The following SLC38A6 variants were observed in gnomAD, a reference collection of about 807,000 sequenced individuals.
The protein encoded by SLC38A6 is N system amino acid transporter NAT-1.
A neutral mutation model predicts 65.0 loss-of-function variants in SLC38A6; 73 were observed. The observed-to-expected ratio is 1.12, with a 90% confidence interval of 0.93 to 1.37. The LOEUF (loss-of-function observed/expected upper bound fraction) is 1.37, where lower values mean the gene tolerates loss of function less well. SLC38A6 is among the 40% of genes most tolerant of loss of function. The pLI is 0.00. For missense variants in SLC38A6, 561 were observed against 531.1 expected, an observed-to-expected ratio of 1.06 and a Z score of -0.55; for synonymous variants, 183 against 178.8, an observed-to-expected ratio of 1.02 and a Z score of -0.19.
At chr14:61,077,839 A>G (rs1223821751) in intron 15 of SLC38A6, among the ~76,000 whole-genome samples, 1 of 152,204 alleles carries the variant, frequency 6.6e-6, no homozygotes, top group Non-Finnish European at 1.5e-5. Context: ...AACATTTCAT[A>G]ATGTTGTTAC....
intron 15 of SLC38A6, among the ~76,000 whole-genome samples, chr14:61,072,788 A>C (rs2043274043): frequency 6.6e-6 from 1 of 152,186 alleles, no homozygotes; most frequent in South Asian, 2.1e-4. Context: ...GTTGATGGAC[A>C]CTTAGGTTAC....
intron 3 of SLC38A6, among the ~76,000 whole-genome samples, chr14:60,996,752 C>CA (rs1350104544): frequency 6.6e-6 from 1 of 151,688 alleles, no homozygotes; most frequent in Non-Finnish European, 1.5e-5. Flanking sequence ...ACAAACAACA[C>CA]AAAAAAAATT....
intron 12 of SLC38A6, among the ~76,000 whole-genome samples, chr14:61,046,852 C>T (rs181291561): frequency 6.6e-6 from 1 of 152,196 alleles, no homozygotes; most frequent in Admixed American, 6.5e-5. Flanking sequence ...AGCATTATTT[C>T]CAATGTGAGC....
intron 1 of SLC38A6, 153 bp from the exon 2 acceptor site, chr14:60,982,355 A>G: frequency 1.1e-6 from 1 of 926,850 alleles, no homozygotes; most frequent in South Asian, 1.4e-5. Context: ...GAAGGAAAGG[A>G]AAGGAAATTA....
intron 15 of SLC38A6, among the ~76,000 whole-genome samples, chr14:61,063,947 C>T (rs2042942029): frequency 6.6e-6 from 1 of 152,176 alleles, no homozygotes; most frequent in South Asian, 2.1e-4. Flanking sequence ...AATGTTTATC[C>T]CCTTTGTCCA....
At chr14:61,063,023 C>T (rs2042906462) in intron 15 of SLC38A6, among the ~76,000 whole-genome samples, 1 of 152,046 alleles carries the variant, frequency 6.6e-6, no homozygotes, top group South Asian at 2.1e-4. Context: ...TTTTTTTCCC[C>T]ATTTTGTGGC....
intron 3 of SLC38A6, among the ~76,000 whole-genome samples, chr14:60,989,024 C>T (rs1159854939): frequency 6.6e-6 from 1 of 152,120 alleles, no homozygotes; most frequent in African/African-American, 2.4e-5. Flanking sequence ...TAGGAGATTG[C>T]TTTTTTATAT....
In SLC38A6 at chr14:61,052,081, A is replaced by G; in HGVS notation, c.1236A>G (p.Gly412=). Residue 412 remains glycine, a synonymous_variant, in exon 15 of 16, where the codon GGA becomes GGG. Coordinates refer to ENST00000267488, the MANE Select transcript of SLC38A6 (RefSeq NM_153811.3). ...TSTCLIFIFP[G]LFYLKLSRED... ...CATGTTTGATTTTTATATTCCCAGGACTATTTTATCTTAAACTTAGCAGAG... is the reference window on the plus strand; with the variant it reads ...CATGTTTGATTTTTATATTCCCAGGGCTATTTTATCTTAAACTTAGCAGAG... 12 of 1,585,984 alleles carry G rather than the reference A, an allele frequency of 7.6e-6. No homozygotes were observed. The highest frequency in any genetic ancestry group is 1.0e-5 in the Non-Finnish European group (12 of 1,173,320).
At chr14:61,062,191 C>T (rs1167073655) in intron 15 of SLC38A6, among the ~76,000 whole-genome samples, 4 of 152,168 alleles carry the variant, frequency 2.6e-5, no homozygotes, top group African/African-American at 9.7e-5. Flanking sequence ...CCATGGAGCA[C>T]AGTTCCTACA....
chr14:61,005,746 C>T (rs373702976), intron 3 of SLC38A6, among the ~76,000 whole-genome samples: 4 of 152,040 alleles, frequency 2.6e-5, no homozygotes, highest in African/African-American at 9.7e-5. Flanking sequence ...TCATGAAAAT[C>T]GCCATACTGC....
At chr14:61,052,911 G>A (rs1022713615), downstream of SLC38A6, 10 of 153,284 alleles carry the variant, frequency 6.5e-5, no homozygotes, top group African/African-American at 2.4e-4. Flanking sequence ...TAGGTTCAAG[G>A]GTACATGTGA....
In SLC38A6 at chr14:61,011,681, C is replaced by A. The variant is rs547155948; in HGVS notation, c.311-4223C>A. Among the ~76,000 whole-genome samples, 261 of 152,298 alleles carry A rather than the reference C, an allele frequency of 1.7e-3. 1 individual carries two copies. The highest frequency in any genetic ancestry group is 5.5e-3 in the African/African-American group (227 of 41,552). The stretch of plus-strand genomic sequence containing the variant: ...TTGGCTCTGTTTATATGCTGGATTA[C>A]ATTTATTGATTTGCGTATGTTGAAC... On this transcript the variant is annotated intron_variant, in intron 3 of 15. Transcript: ENST00000267488.
intron 3 of SLC38A6, among the ~76,000 whole-genome samples, chr14:60,996,059 A>G (rs2038272114): frequency 6.6e-6 from 1 of 152,230 alleles, no homozygotes. Context: ...ATATAGATAC[A>G]TTGATTGTAA....
chr14:61,034,210 T>C (rs1028983477), intron 6 of SLC38A6: 4 of 151,192 alleles, frequency 2.6e-5, no homozygotes, highest in Admixed American at 2.0e-4. Context: ...ATAAAGTAAC[T>C]GGTGTACAGA....
chr14:61,049,246 G>T (rs1343206304), intron 12 of SLC38A6, among the ~76,000 whole-genome samples: 3 of 152,166 alleles, frequency 2.0e-5, no homozygotes, highest in Non-Finnish European at 4.4e-5. Flanking sequence ...ATGCAGAACT[G>T]TATTACTAGG....
chr14:60,993,024 T>G (rs1253185194), intron 3 of SLC38A6, among the ~76,000 whole-genome samples: 1 of 152,110 alleles, frequency 6.6e-6, no homozygotes, highest in African/African-American at 2.4e-5. Context: ...TTTTTGTATT[T>G]TTTAGTAGAG....
chr14:60,987,628 G>C (rs1029139014), intron 3 of SLC38A6: 1 of 152,234 alleles, frequency 6.6e-6, no homozygotes, highest in Admixed American at 6.5e-5. Context: ...GGGCAAAAAT[G>C]CCCACTGGGG....
At chr14:61,062,029 G>A (rs190958703) in intron 15 of SLC38A6, among the ~76,000 whole-genome samples, 11 of 152,174 alleles carry the variant, frequency 7.2e-5, no homozygotes, top group African/African-American at 2.7e-4. Context: ...AGTAGAGATG[G>A]GGTTTTACCA....
At chr14:60,987,167 TC>T (rs1169026742) in intron 3 of SLC38A6, 3 of 282,302 alleles carry the variant, frequency 1.1e-5, no homozygotes, top group South Asian at 3.1e-5. Context: ...GGTAGGCTTT[TC>T]CTTTTTTTTT....
Sources: allele counts gnomAD v4.1 joint callset (sites outside exome capture counted in the v4.1 genomes callset), GRCh38; gene constraint gnomAD v4.1.1; transcripts MANE v1.5; gene names NCBI Gene and HGNC (gene_info 2026-07-23, HGNC 2026-07-21).